The following FNDC1 variants were observed in gnomAD, a reference collection of about 807,000 sequenced individuals.
The protein encoded by FNDC1 is fibronectin type III domain containing 1, also known as fibronectin type III domain-containing protein 1.
A neutral mutation model predicts 168.0 loss-of-function variants in FNDC1; 96 were observed. The ratio of observed to expected loss-of-function variants is 0.57; its 90% CI spans 0.48 to 0.68. FNDC1 has a LOEUF of 0.68. Among genes scored for constraint, FNDC1 ranks in the 30% least tolerant of loss-of-function variants. The pLI is 0.00. For synonymous variants in FNDC1, 1,099 were observed against 1,025.9 expected (o/e 1.07, Z -1.36); for missense variants, 2,587 against 2,482.1 (o/e 1.04, Z -0.90).
intron 5 of FNDC1, among the ~76,000 whole-genome samples, chr6:159,215,728 T>C (rs980401498): frequency 6.6e-6 from 1 of 152,152 alleles, no homozygotes; most frequent in Non-Finnish European, 1.5e-5. Flanking sequence ...ACTGAAGAAC[T>C]TGGGGTCCGA....
At chr6:159,211,116 G>A (rs927399858) in intron 4 of FNDC1, among the ~76,000 whole-genome samples, 1 of 152,234 alleles carries the variant, frequency 6.6e-6, no homozygotes, top group Non-Finnish European at 1.5e-5. Context: ...GCTGGGGATG[G>A]TGGGGCAGCT....
Position 159,251,423 on chromosome 6 carries a change from C to T in FNDC1, c.4956C>T (p.Asp1652=), listed in dbSNP as rs294899. Residue 1652 remains aspartate (D), a synonymous_variant, in exon 17 of 23, where the codon GAC becomes GAT. Coordinates refer to ENST00000297267, the MANE Select transcript of FNDC1 (RefSeq NM_032532.3). ...EIIPNDLKKS[D]LPPQHAPRNI... ...TCCCCAATGACCTGAAGAAGAGTGA[C>T]CTGCCTCCCCAGCATGCTCCCCGCA... The T allele has an allele frequency of 0.64, 1,039,497 of 1,613,420 alleles. 345,915 individuals are homozygous for T. Among genetic ancestry groups the T allele is most frequent in the Non-Finnish European group, 0.68 (808,067 of 1,179,670 alleles).
intron 22 of FNDC1, among the ~76,000 whole-genome samples, chr6:159,269,992 C>A (rs948139531): frequency 4.6e-5 from 7 of 152,126 alleles, no homozygotes; most frequent in African/African-American, 1.7e-4. Flanking sequence ...GAGTTTGAGA[C>A]CAGCCTAGGC....
In FNDC1 at chr6:159,232,792, G is replaced by A. The variant is rs368485653; in HGVS notation, c.2280G>A (p.Arg760=). The change falls in exon 11 of 23, where the codon CGG becomes CGA. Residue 760 remains arginine, a synonymous_variant. Transcript: ENST00000297267. The surrounding 1 kb of genome is among the most constrained non-coding windows in gnomAD (Gnocchi z 4.9). ...CCACCAACTCCAATGCGCCATCACG[G>A]TCCACCATGTCCTCCTCCGTCTCTT... ...APATNSNAPS[R]STMSSSVSSH... 5.0e-6 allele frequency: 8 copies of A among 1,613,826 alleles called. No individual in the cohort carries two copies. In the African/African-American group the frequency reaches 8.0e-5, roughly 16 times the overall value.
intron 1 of FNDC1, among the ~76,000 whole-genome samples, chr6:159,195,279 A>G (rs1782220812): frequency 6.6e-6 from 1 of 152,092 alleles, no homozygotes; most frequent in Non-Finnish European, 1.5e-5. Flanking sequence ...TTCCTGAGAG[A>G]GAACATCACT....
intron 1 of FNDC1, among the ~76,000 whole-genome samples, chr6:159,181,016 CA>C (rs1316843016): frequency 6.6e-6 from 1 of 152,124 alleles, no homozygotes; most frequent in Non-Finnish European, 1.5e-5. Context: ...GTTGCTGGGT[CA>C]AATGGTATTT....
At chr6:159,267,956 C>T (rs758640513) in intron 22 of FNDC1, 30 bp downstream of exon 22, 2 of 1,593,816 alleles carry the variant, frequency 1.3e-6, no homozygotes, top group South Asian at 2.3e-5. Context: ...GATATATTAT[C>T]CTAGGAGGTG....
intron 5 of FNDC1, 124 bp downstream of exon 5, chr6:159,215,275 A>G: frequency 1.2e-6 from 1 of 854,744 alleles, no homozygotes; most frequent in South Asian, 1.7e-5. Context: ...AGATGTTACA[A>G]TGATTTGAAT....
At chr6:159,265,919 C>T (rs1777582582) in intron 20 of FNDC1, among the ~76,000 whole-genome samples, 165 bp from the exon 21 acceptor site, 1 of 148,648 alleles carries the variant, frequency 6.7e-6, no homozygotes, top group Admixed American at 6.9e-5. Flanking sequence ...CAGAGCGAGA[C>T]TCCATCAAAA....
At position 159,225,518 on chromosome 6, in the gene FNDC1, GT is replaced by G. The variant is rs1782935209; in HGVS notation, c.885-15del. ...GCAGAGAATTTGGACAGATCATTGT[GT>G]TGTGTTTTCTTACAGACAGTACACC... On this transcript the variant is annotated splice_polypyrimidine_tract_variant and intron_variant, in intron 7 of 22. Transcript: ENST00000297267. The G allele has an allele frequency of 6.3e-7, 1 of 1,588,770 alleles. No homozygotes were observed. Among genetic ancestry groups the G allele is most frequent in the South Asian group, 1.1e-5 (1 of 87,788 alleles).
intron 9 of FNDC1, 63 bp from the exon 10 acceptor site, chr6:159,229,752 T>C (rs1426746010): frequency 6.9e-7 from 1 of 1,450,866 alleles, no homozygotes; most frequent in Non-Finnish European, 9.5e-7. Context: ...CCATACAGTC[T>C]GTCTGCTGGA....
At position 159,233,266 on chromosome 6, in the gene FNDC1, C is replaced by A. The variant is rs747146875; in HGVS notation, c.2754C>A (p.Ser918Arg). ...DLRRSPQRGA[S>R]LHRKEPIPEN... Reference sequence around the variant, plus strand: ...GGAGAAGCCCGCAGAGAGGGGCCAGCCTGCATCGGAAGGAACCCATCCCAG... The same window carrying A: ...GGAGAAGCCCGCAGAGAGGGGCCAGACTGCATCGGAAGGAACCCATCCCAG... Residue 918 changes from serine (S) to arginine (R), a missense_variant, in exon 11 of 23, where the codon AGC becomes AGA. Physicochemically the swap from Ser to Arg is moderately radical, Grantham distance 110. Coordinates refer to ENST00000297267, the MANE Select transcript of FNDC1 (RefSeq NM_032532.3). The surrounding 1 kb of genome is among the most constrained non-coding windows in gnomAD (Gnocchi z 4.6). 3 of 1,613,982 alleles carry A rather than the reference C, an allele frequency of 1.9e-6. No individual in the cohort carries two copies. The highest frequency in any genetic ancestry group is 4.5e-5 in the East Asian group (2 of 44,862).
Position 159,265,001 on chromosome 6 carries a change from C to T in FNDC1, c.5281C>T (p.Pro1761Ser). The T allele has an allele frequency of 6.2e-7, 1 of 1,605,772 alleles. No individual in the cohort carries two copies. The highest frequency in any genetic ancestry group is 2.2e-5 in the East Asian group (1 of 44,736). Reference sequence around the variant, plus strand: ...TAATCCTCTGCTTGTTGTGAGGCCCCCAGGTAAGTTTATGTTCTTGATAAT... The same window carrying T: ...TAATCCTCTGCTTGTTGTGAGGCCCTCAGGTAAGTTTATGTTCTTGATAAT... ...SDNPLLVVRP[P>S]GGEPIWIPFA... is the part of the protein sequence containing the mutation. The change falls in exon 20 of 23, where the codon CCA (proline) becomes TCA (serine). Residue 1761 changes from proline to serine, a missense_variant. Transcript: ENST00000297267.
intron 17 of FNDC1, among the ~76,000 whole-genome samples, chr6:159,251,997 CCT>C (rs1483519608): frequency 6.6e-6 from 1 of 152,170 alleles, no homozygotes; most frequent in Non-Finnish European, 1.5e-5. Context: ...TGTGCCTCTG[CCT>C]CTTTCTCTCC....
intron 1 of FNDC1, among the ~76,000 whole-genome samples, chr6:159,181,731 T>C (rs1189208291): frequency 1.3e-5 from 2 of 152,194 alleles, no homozygotes; most frequent in African/African-American, 4.8e-5. Flanking sequence ...AAATCAGTAC[T>C]TTTTTTCCTA....
intron 1 of FNDC1, among the ~76,000 whole-genome samples, chr6:159,194,821 A>G (rs1252743946): frequency 6.6e-6 from 1 of 152,146 alleles, no homozygotes; most frequent in Non-Finnish European, 1.5e-5. Flanking sequence ...ACTGCGGGTG[A>G]GAGGCAGGGC....
At chr6:159,222,648 G>A (rs1422420732) in intron 6 of FNDC1, among the ~76,000 whole-genome samples, 2 of 152,240 alleles carry the variant, frequency 1.3e-5, no homozygotes, top group Non-Finnish European at 2.9e-5. Flanking sequence ...ATCTCTGTAA[G>A]AAATTGGCAA....
Position 159,197,495 on chromosome 6 carries a change from G to A in FNDC1, c.174G>A (p.Thr58=), listed in dbSNP as rs747182350. The part of the protein sequence containing the change: ...LLSTKMGLKV[T]WDPPKDATSR... ...CCACTAAAATGGGCCTGAAAGTCAC[G>A]TGGGACCCACCCAAAGATGCTACCA... is the stretch of plus-strand genomic sequence containing the variant. The change falls in exon 2 of 23, where the codon ACG becomes ACA. Residue 58 remains threonine (T), a synonymous_variant. Coordinates refer to ENST00000297267, the MANE Select transcript of FNDC1 (RefSeq NM_032532.3). The A allele has an allele frequency of 7.3e-5, 118 of 1,613,868 alleles. No homozygotes were observed. The highest frequency in any genetic ancestry group is 8.6e-5 in the Non-Finnish European group (101 of 1,179,880).
Position 159,233,301 on chromosome 6 carries a change from A to C in FNDC1, c.2789A>C (p.Lys930Thr). 6.2e-7 allele frequency: 1 copy of C among 1,613,812 alleles called. No homozygotes were observed. Among genetic ancestry groups the C allele is most frequent in the South Asian group, 1.1e-5 (1 of 91,068 alleles). ...HRKEPIPENPKSTGADTHPQG... is the reference protein window; with the variant it reads ...HRKEPIPENPTSTGADTHPQG... ...AAGGAACCCATCCCAGAGAACCCCA[A>C]ATCCACAGGGGCAGATACACATCCT... Residue 930 changes from lysine to threonine, a missense_variant, in exon 11 of 23, where the codon AAA becomes ACA. Lys to Thr is a moderately conservative substitution (Grantham distance 78). Coordinates refer to ENST00000297267, the MANE Select transcript of FNDC1 (RefSeq NM_032532.3). This position sits in a 1 kb window ranked among gnomAD's most constrained non-coding sequence, Gnocchi z 4.6.
Sources: allele counts gnomAD v4.1 joint callset (sites outside exome capture counted in the v4.1 genomes callset), GRCh38; gene constraint gnomAD v4.1.1; non-coding constraint Gnocchi (gnomAD v3.1); transcripts MANE v1.5; gene names NCBI Gene and HGNC (gene_info 2026-07-23, HGNC 2026-07-21).